Variants in ATF3 observed in about 807,000 individuals in gnomAD.
ATF3 encodes the protein cyclic AMP-dependent transcription factor ATF-3.
ATF3 carries 10 observed loss-of-function variants against 18.4 expected under a neutral mutation model. The observed-to-expected ratio is 0.54, with a 90% CI of 0.34 to 0.92. ATF3 has a LOEUF of 0.92. Among genes scored for constraint, ATF3 ranks in the 40% least tolerant of loss-of-function variants. ATF3 has a pLI of 0.02. For synonymous variants in ATF3, 78 were observed against 87.9 expected (o/e 0.89, Z 0.63); for missense variants, 183 against 222.3 (o/e 0.82, Z 1.12).
intron 1 of ATF3, among the ~76,000 whole-genome samples, chr1:212,580,969 A>C (rs1360052509): frequency 1.3e-5 from 2 of 151,858 alleles, no homozygotes; most frequent in Non-Finnish European, 2.9e-5. Context: ...GGGTTTCACC[A>C]CGTTGGGCAG....
At chr1:212,606,758 G>A (rs1383480570), upstream of ATF3, among the ~76,000 whole-genome samples, 1 of 152,244 alleles carries the variant, frequency 6.6e-6, no homozygotes, top group African/African-American at 2.4e-5. Flanking sequence ...AAATAGCTAA[G>A]TAGAGATAAC....
At chr1:212,594,548 G>T (rs962852792) in intron 1 of ATF3, among the ~76,000 whole-genome samples, 3 of 152,136 alleles carry the variant, frequency 2.0e-5, no homozygotes, top group African/African-American at 7.2e-5. Flanking sequence ...CCTTATTAGG[G>T]TGGAAGGGTC....
chr1:212,565,507 C>G (rs1487437196), intron 1 of ATF3: 1 of 152,112 alleles, frequency 6.6e-6, no homozygotes, highest in East Asian at 1.9e-4. Flanking sequence ...TTTTCTCTGG[C>G]TTTGGGGCTA....
At chr1:212,604,107 A>G (rs1654558501), upstream of ATF3, among the ~76,000 whole-genome samples, 1 of 152,232 alleles carries the variant, frequency 6.6e-6, no homozygotes, top group Non-Finnish European at 1.5e-5. Flanking sequence ...TGAATCTTTT[A>G]TCTTCAAATC....
chr1:212,586,949 C>T (rs1036086238), intron 1 of ATF3, among the ~76,000 whole-genome samples: 5 of 152,206 alleles, frequency 3.3e-5, no homozygotes, highest in Non-Finnish European at 2.9e-5. Flanking sequence ...GAAAGTGACG[C>T]TGGGCTGGGC....
At chr1:212,572,490 G>A (rs1664503362) in intron 1 of ATF3, among the ~76,000 whole-genome samples, 1 of 152,192 alleles carries the variant, frequency 6.6e-6, no homozygotes, top group Admixed American at 6.5e-5. Flanking sequence ...TTGAGCTACA[G>A]CCTGAGCAAC....
At chr1:212,583,029 G>A (rs1056023277) in intron 1 of ATF3, among the ~76,000 whole-genome samples, 6 of 152,198 alleles carry the variant, frequency 3.9e-5, no homozygotes, top group South Asian at 2.1e-4. Context: ...AAGGGAAAGC[G>A]CTAAAGAATG....
intron 1 of ATF3, among the ~76,000 whole-genome samples, chr1:212,589,386 T>A (rs1664840247): frequency 6.6e-6 from 1 of 152,198 alleles, no homozygotes; most frequent in Non-Finnish European, 1.5e-5. Flanking sequence ...CCTCAGCTAA[T>A]GTACTAGGGA....
chr1:212,597,460 C>G (rs78878815), intron 1 of ATF3, among the ~76,000 whole-genome samples: 3,871 of 131,848 alleles, frequency 0.029, 176 homozygotes, highest in African/African-American at 0.099. Flanking sequence ...TCATCTATCT[C>G]TCTATCTAGC....
At chr1:212,579,807 G>A (rs771505281) in intron 1 of ATF3, among the ~76,000 whole-genome samples, 2 of 152,150 alleles carry the variant, frequency 1.3e-5, no homozygotes, top group Non-Finnish European at 2.9e-5. Flanking sequence ...GATCCCAGCC[G>A]ATGTGGAGTA....
At chr1:212,589,919 G>A (rs1571768195) in intron 1 of ATF3, among the ~76,000 whole-genome samples, 1 of 151,424 alleles carries the variant, frequency 6.6e-6, no homozygotes. Context: ...AAGACTTAAG[G>A]CCCAGTATTT....
At chr1:212,616,708 G>A (rs961739670) in intron 2 of ATF3, among the ~76,000 whole-genome samples, 5 of 152,232 alleles carry the variant, frequency 3.3e-5, no homozygotes, top group South Asian at 2.1e-4. Flanking sequence ...ATCCACGTGA[G>A]TCAGGGGGCC....
intron 1 of ATF3, among the ~76,000 whole-genome samples, chr1:212,580,436 T>C (rs1214507588): frequency 6.6e-6 from 1 of 151,918 alleles, no homozygotes; most frequent in Non-Finnish European, 1.5e-5. Flanking sequence ...CACCTCAGCC[T>C]CCTGAGTAGG....
chr1:212,591,140 A>C (rs185527448), intron 1 of ATF3, among the ~76,000 whole-genome samples: 3 of 152,268 alleles, frequency 2.0e-5, no homozygotes, highest in Non-Finnish European at 2.9e-5. Context: ...TTATGCTTCC[A>C]TATCTTTGCA....
In ATF3 at chr1:212,618,988, C is replaced by A; in HGVS notation, c.349-370C>A. ...ATTTTTTCTGGGGAGATGAGCTTCT[C>A]ATTGAGATCTGTGACTCAGAATCGA... is the stretch of plus-strand genomic sequence containing the variant. On this transcript the variant is annotated intron_variant, in intron 3 of 3. Transcript: ENST00000341491. The surrounding 1 kb of genome is among the most constrained non-coding windows in gnomAD (Gnocchi z 4.4). 6.2e-7 allele frequency: 1 copy of A among 1,606,826 alleles called. No individual in the cohort carries two copies. The highest frequency in any genetic ancestry group is 1.1e-5 in the South Asian group (1 of 90,898).
At chr1:212,582,592 T>C (rs1664704080) in intron 1 of ATF3, among the ~76,000 whole-genome samples, 1 of 152,206 alleles carries the variant, frequency 6.6e-6, no homozygotes, top group Non-Finnish European at 1.5e-5. Context: ...GAAAGAAGGC[T>C]TGGGCTTCCG....
At chr1:212,614,344 A>T (rs926334251) in intron 1 of ATF3, among the ~76,000 whole-genome samples, 1 of 152,112 alleles carries the variant, frequency 6.6e-6, no homozygotes. Context: ...AACCTTAAGA[A>T]TCCACCTCCC....
At chr1:212,603,011 C>A (rs966072869) in intron 1 of ATF3, among the ~76,000 whole-genome samples, 2 of 152,180 alleles carry the variant, frequency 1.3e-5, no homozygotes, top group Non-Finnish European at 2.9e-5. Context: ...CCCTGGTACA[C>A]CTGTGTGTGC....
chr1:212,606,984 C>T (rs1654646055), upstream of ATF3, among the ~76,000 whole-genome samples: 2 of 152,072 alleles, frequency 1.3e-5, no homozygotes, highest in African/African-American at 4.8e-5. Context: ...AACACCCGCC[C>T]TGCACTTCCC....
Sources: gnomAD v4.1 joint callset for allele counts (sites outside exome capture counted in the v4.1 genomes callset) on GRCh38, gnomAD v4.1.1 for gene constraint, Gnocchi (gnomAD v3.1) non-coding constraint, MANE v1.5 for transcripts, NCBI Gene and HGNC (gene_info 2026-07-23, HGNC 2026-07-21) for gene names.